Variants in HEMK2 observed in about 807,000 individuals in gnomAD.
HEMK2 encodes HemK methyltransferase 2, ETF1 glutamine and histone H4 lysine, also known as methyltransferase HEMK2.
At chr21:28,604,155 G>T in the HEMK2 span, among the ~76,000 whole-genome samples, 251 of 152,230 alleles carry the variant, frequency 1.6e-3, 5 homozygotes, top group East Asian at 0.037. Flanking sequence ...GATCAGAATC[G>T]GTGTTTAGAC....
chr21:28,866,175 A>AAAAAAAAAAAACAAAAAAAC, the HEMK2 span, among the ~76,000 whole-genome samples: 7 of 76,240 alleles, frequency 9.2e-5, no homozygotes, highest in African/African-American at 3.6e-4. Flanking sequence ...CAAAAAAAAA[A>AAAAAAAAAAAACAAAAAAAC]ACACACACAC....
At chr21:28,782,653 G>A in the HEMK2 span, among the ~76,000 whole-genome samples, 3 of 152,168 alleles carry the variant, frequency 2.0e-5, no homozygotes, top group Non-Finnish European at 4.4e-5. Flanking sequence ...AAAGAAAACT[G>A]TTAAATGTTT....
chr21:28,877,454 G>A, the HEMK2 span, among the ~76,000 whole-genome samples: 1 of 150,078 alleles, frequency 6.7e-6, no homozygotes, highest in South Asian at 2.1e-4. Flanking sequence ...CAGATGGACA[G>A]AAGGAAGGAA....
At chr21:28,675,551 G>A in the HEMK2 span, among the ~76,000 whole-genome samples, 2 of 152,160 alleles carry the variant, frequency 1.3e-5, no homozygotes, top group South Asian at 2.1e-4. Context: ...GACAGAACAG[G>A]GAACATTTTA....
the HEMK2 span, among the ~76,000 whole-genome samples, chr21:28,749,225 A>AT: frequency 1.3e-5 from 2 of 152,136 alleles, no homozygotes; most frequent in Non-Finnish European, 2.9e-5. Flanking sequence ...CAAGGAGATG[A>AT]TTTTCTTCTC....
At chr21:28,755,121 T>C in the HEMK2 span, among the ~76,000 whole-genome samples, 28 of 152,228 alleles carry the variant, frequency 1.8e-4, 1 homozygote, top group East Asian at 1.5e-3. Flanking sequence ...GAAGAATTCG[T>C]GTGAGGTCTT....
the HEMK2 span, among the ~76,000 whole-genome samples, chr21:28,686,595 T>C: frequency 9.2e-5 from 14 of 152,208 alleles, no homozygotes; most frequent in African/African-American, 3.4e-4. Flanking sequence ...AGACATGTAG[T>C]AGCAACTATT....
chr21:28,692,736 C>A, the HEMK2 span, among the ~76,000 whole-genome samples: 1 of 151,860 alleles, frequency 6.6e-6, no homozygotes, highest in Non-Finnish European at 1.5e-5. Context: ...TTCATGATAA[C>A]CAAAAAGTTC....
chr21:28,618,436 T>C, the HEMK2 span, among the ~76,000 whole-genome samples: 1 of 152,238 alleles, frequency 6.6e-6, no homozygotes, highest in Non-Finnish European at 1.5e-5. Context: ...GTTCATAGTT[T>C]ATTTTACACT....
At chr21:28,602,181 C>G in the HEMK2 span, among the ~76,000 whole-genome samples, 1 of 152,046 alleles carries the variant, frequency 6.6e-6, no homozygotes, top group South Asian at 2.1e-4. Flanking sequence ...CGTTGGTTGT[C>G]TTTGATAACT....
chr21:28,833,600 C>A, the HEMK2 span, among the ~76,000 whole-genome samples: 6 of 152,298 alleles, frequency 3.9e-5, no homozygotes, highest in Middle Eastern at 6.8e-3. Context: ...TTTGGCTCTA[C>A]CATTTTGAAA....
At chr21:28,824,454 A>T in the HEMK2 span, among the ~76,000 whole-genome samples, 1 of 152,148 alleles carries the variant, frequency 6.6e-6, no homozygotes, top group East Asian at 1.9e-4. Context: ...TTTATATAGC[A>T]CCCATGCAAG....
At chr21:28,674,050 T>G in the HEMK2 span, among the ~76,000 whole-genome samples, 3 of 151,942 alleles carry the variant, frequency 2.0e-5, no homozygotes, top group Non-Finnish European at 2.9e-5. Flanking sequence ...AAGATACAGG[T>G]CACAAAGACC....
the HEMK2 span, among the ~76,000 whole-genome samples, chr21:28,831,780 T>C: frequency 7.7e-6 from 1 of 129,500 alleles, no homozygotes; most frequent in Non-Finnish European, 1.7e-5. Context: ...AGAAACAGTA[T>C]CACCTTTCAA....
chr21:28,832,376 T>C, the HEMK2 span, among the ~76,000 whole-genome samples: 1 of 152,214 alleles, frequency 6.6e-6, no homozygotes, highest in African/African-American at 2.4e-5. Context: ...GGAGTCTTCT[T>C]GTTCTTCTCT....
At chr21:28,672,499 C>A in the HEMK2 span, among the ~76,000 whole-genome samples, 2 of 152,124 alleles carry the variant, frequency 1.3e-5, no homozygotes, top group Admixed American at 6.6e-5. Context: ...CAGAAATGTG[C>A]AAGGCTCCTG....
chr21:28,734,366 C>T, the HEMK2 span, among the ~76,000 whole-genome samples: 13 of 152,120 alleles, frequency 8.5e-5, no homozygotes, highest in Admixed American at 2.6e-4. Flanking sequence ...TTGTCTGCCA[C>T]GGCATGTCTG....
chr21:28,800,021 T>C, the HEMK2 span, among the ~76,000 whole-genome samples: 5 of 152,216 alleles, frequency 3.3e-5, no homozygotes, highest in Admixed American at 1.3e-4. Flanking sequence ...GAAACTCACA[T>C]TGTAGCTTTG....
the HEMK2 span, among the ~76,000 whole-genome samples, chr21:28,819,233 T>C: frequency 6.6e-6 from 1 of 152,032 alleles, no homozygotes; most frequent in Admixed American, 6.6e-5. Flanking sequence ...AAGTCTTTCA[T>C]TTTGCTGAGT....
Sources: allele counts gnomAD v4.1 joint callset (sites outside exome capture counted in the v4.1 genomes callset), GRCh38; gene constraint gnomAD v4.1.1; transcripts MANE v1.5; gene names NCBI Gene and HGNC (gene_info 2026-07-23, HGNC 2026-07-21).